SLC9C2: variants seen among roughly 807,000 people sequenced by gnomAD.
The protein encoded by SLC9C2 is sodium/hydrogen exchanger 11.
A neutral mutation model predicts 140.2 loss-of-function variants in SLC9C2; 75 were observed. The observed-to-expected ratio is 0.53, with a 90% confidence interval of 0.44 to 0.65. The LOEUF (loss-of-function observed/expected upper bound fraction) is 0.65, where lower values mean the gene tolerates loss of function less well. SLC9C2 is among the 30% of genes least tolerant of loss of function. The probability of loss-of-function intolerance (pLI) is 0.00; values close to 1 mark genes in which losing one functional copy is unlikely to be tolerated. For missense variants in SLC9C2, 1,074 were observed against 1,331.8 expected (o/e 0.81, Z 3.01); for synonymous variants, 375 against 420.9 (o/e 0.89, Z 1.34).
At chr1:173,552,719 C>T (rs543872354) in intron 11 of SLC9C2, among the ~76,000 whole-genome samples, 30 of 152,190 alleles carry the variant, frequency 2.0e-4, no homozygotes, top group Non-Finnish European at 3.8e-4. Context: ...AATATTACTA[C>T]TCATTGACAA....
At chr1:173,557,192 C>T (rs1463592074) in intron 10 of SLC9C2, 148 bp downstream of exon 10, 5 of 700,430 alleles carry the variant, frequency 7.1e-6, no homozygotes, top group Admixed American at 2.9e-5. Context: ...ACATAAATAA[C>T]GTTCTGCTCT....
chr1:173,533,519 C>T (rs1661733059), intron 17 of SLC9C2, 90 bp downstream of exon 17: 1 of 925,528 alleles, frequency 1.1e-6, no homozygotes, highest in South Asian at 1.8e-5. Flanking sequence ...CTCAAGCAAT[C>T]CACCCACCTA....
In SLC9C2 at chr1:173,583,611, T is replaced by G. The variant is rs1665680910; in HGVS notation, c.535A>C (p.Ile179Leu). Residue 179 changes from isoleucine to leucine, a missense_variant, in exon 6 of 28, where the codon ATA becomes CTA. By Grantham distance (5) the Ile-to-Leu change is conservative (BLOSUM62 2). Coordinates refer to ENST00000367714, the MANE Select transcript of SLC9C2 (RefSeq NM_178527.4). Reference sequence around the variant, plus strand: ...TCTCCTCTAATGAGATCAATGTATATTTTAGAAATGCCTGAAAAAGGAAAT... The same window carrying G: ...TCTCCTCTAATGAGATCAATGTATAGTTTAGAAATGCCTGAAAAAGGAAAT... ...NSLKTIGISK[I>L]YIDLIRGESL... 6.5e-7 allele frequency: 1 copy of G among 1,532,420 alleles called. No individual in the cohort carries two copies. The allele number at this position is 1,532,420 out of a possible 1,614,324, so 94.9% of individuals were successfully genotyped here.
chr1:173,579,155 T>A (rs529531459), intron 7 of SLC9C2, among the ~76,000 whole-genome samples: 1 of 152,320 alleles, frequency 6.6e-6, no homozygotes. Context: ...CTGCAGTAAG[T>A]CTTACCTGAA....
chr1:173,504,439 G>GT (rs1269756228), intron 26 of SLC9C2, among the ~76,000 whole-genome samples: 1 of 152,172 alleles, frequency 6.6e-6, no homozygotes, highest in East Asian at 1.9e-4. Flanking sequence ...CTGAGAAAAC[G>GT]TCACTCTTCG....
Position 173,601,719 on chromosome 1 carries a change from G to A in SLC9C2, c.58C>T (p.Gln20Ter), listed in dbSNP as rs755463435. ...ESNRPDLLCGQPADYLVEEKH... is the reference protein window; with the variant it reads ...ESNRPDLLCG ...TCTTCAACAAGGTAGTCAGCTGGCT[G>A]CCCGCAGAGTAAATCAGGTCTGTTA... Residue 20 changes from glutamine to a stop codon, truncating the protein, a stop_gained, in exon 2 of 28, where the codon CAG becomes TAG. Coordinates refer to ENST00000367714, the MANE Select transcript of SLC9C2 (RefSeq NM_178527.4). LOFTEE classifies it high-confidence loss of function. The A allele has an allele frequency of 1.9e-6, 3 of 1,614,098 alleles. No homozygotes were observed. Among genetic ancestry groups the A allele is most frequent in the Non-Finnish European group, 2.5e-6 (3 of 1,179,966 alleles).
At chr1:173,601,235 C>T (rs1343173481) in intron 2 of SLC9C2, among the ~76,000 whole-genome samples, 1 of 152,162 alleles carries the variant, frequency 6.6e-6, no homozygotes, top group Non-Finnish European at 1.5e-5. Flanking sequence ...TGTTTGCTCG[C>T]ATTGTCCTCC....
intron 19 of SLC9C2, among the ~76,000 whole-genome samples, chr1:173,526,207 T>A (rs900252348): frequency 1.3e-5 from 2 of 152,086 alleles, no homozygotes; most frequent in African/African-American, 4.8e-5. Flanking sequence ...TAAAGTGGAG[T>A]GACTGTAGAT....
intron 27 of SLC9C2, among the ~76,000 whole-genome samples, chr1:173,503,035 G>A (rs929016205): frequency 6.6e-6 from 1 of 152,156 alleles, no homozygotes; most frequent in Non-Finnish European, 1.5e-5. Context: ...ATATCAGTGA[G>A]GGGGGTAAAA....
At chr1:173,515,631 T>G (rs936899019) in intron 23 of SLC9C2, among the ~76,000 whole-genome samples, 1 of 152,196 alleles carries the variant, frequency 6.6e-6, no homozygotes, top group Admixed American at 6.5e-5. Flanking sequence ...GCAGAGTTTG[T>G]TATTACCCAC....
At chr1:173,574,838 T>C (rs1041326713) in intron 8 of SLC9C2, among the ~76,000 whole-genome samples, 20 of 152,080 alleles carry the variant, frequency 1.3e-4, no homozygotes, top group East Asian at 1.9e-4. Flanking sequence ...AAAAATGTCA[T>C]GTGGGCACAA....
intron 25 of SLC9C2, among the ~76,000 whole-genome samples, chr1:173,506,572 G>A (rs1659656271): frequency 2.0e-5 from 3 of 152,208 alleles, no homozygotes; most frequent in Admixed American, 2.0e-4. Context: ...AAAACTTACA[G>A]CATCTCATCC....
chr1:173,583,505 C>T lies in SLC9C2; in HGVS notation c.640+1G>A. ...AATATACAGACAAAAAATGCTCCTA[C>T]CTCTAAAAATAGAAAAGTGGATTCT... is the stretch of plus-strand genomic sequence containing the variant. On this transcript the variant is annotated splice_donor_variant, in intron 6 of 27. Coordinates refer to ENST00000367714, the MANE Select transcript of SLC9C2 (RefSeq NM_178527.4). LOFTEE classifies it high-confidence loss of function. The T allele has an allele frequency of 6.5e-7, 1 of 1,535,470 alleles. No homozygotes were observed. The highest frequency in any genetic ancestry group is 8.9e-7 in the Non-Finnish European group (1 of 1,118,810).
intron 2 of SLC9C2, among the ~76,000 whole-genome samples, chr1:173,600,512 T>C (rs1420691625): frequency 6.6e-6 from 1 of 152,054 alleles, no homozygotes; most frequent in Non-Finnish European, 1.5e-5. Context: ...TTTCCCTGAC[T>C]GTAGGCAAAT....
chr1:173,553,878 G>C (rs1473124116), intron 11 of SLC9C2, among the ~76,000 whole-genome samples: 1 of 152,140 alleles, frequency 6.6e-6, no homozygotes, highest in Non-Finnish European at 1.5e-5. Flanking sequence ...GGTCTCTGTA[G>C]CAGCAAAGCT....
intron 10 of SLC9C2, 49 bp from the exon 11 acceptor site, chr1:173,554,863 C>A: frequency 9.1e-7 from 1 of 1,097,642 alleles, no homozygotes; most frequent in Non-Finnish European, 1.4e-6. Context: ...TAAATAAGTT[C>A]TCCAAAAGCA....
chr1:173,561,878 C>T (rs1176464712), intron 9 of SLC9C2, among the ~76,000 whole-genome samples: 3 of 151,774 alleles, frequency 2.0e-5, no homozygotes, highest in Non-Finnish European at 4.4e-5. Context: ...CACACACACA[C>T]ACACACACCC....
chr1:173,544,199 A>G (rs1175965328), intron 13 of SLC9C2, among the ~76,000 whole-genome samples: 2 of 152,268 alleles, frequency 1.3e-5, no homozygotes, highest in Admixed American at 6.5e-5. Flanking sequence ...TGGGCAAAGG[A>G]TATGAACAGC....
chr1:173,536,948 T>C lies in SLC9C2; in HGVS notation c.1649A>G (p.Gln550Arg), dbSNP rs1318377940. The change falls in exon 14 of 28, where the codon CAA becomes CGA. Residue 550 changes from glutamine to arginine, a missense_variant. By Grantham distance (43) the Gln-to-Arg change is conservative. Transcript: ENST00000367714. ...IGAAKCYYSI[Q>R]GKFMSIYDVS... ...AAAGAAGTGTTATACTTACTTTCCT[T>C]GGATGGAGTAATAGCATTTTGCTGC... The C allele has an allele frequency of 1.2e-6, 2 of 1,611,610 alleles. No individual in the cohort carries two copies. Among genetic ancestry groups the C allele is most frequent in the Non-Finnish European group, 1.7e-6 (2 of 1,178,174 alleles).
Sources: allele counts gnomAD v4.1 joint callset (sites outside exome capture counted in the v4.1 genomes callset), GRCh38; gene constraint gnomAD v4.1.1; transcripts MANE v1.5; gene names NCBI Gene and HGNC (gene_info 2026-07-23, HGNC 2026-07-21).